The following SYTL1 variants were observed in gnomAD, a reference collection of about 807,000 sequenced individuals.
The protein encoded by SYTL1 is synaptotagmin like 1, also known as synaptotagmin-like protein 1.
Under a neutral mutation model 74.6 loss-of-function variants are expected in SYTL1, and 53 were observed. The observed-to-expected ratio is 0.71, with a 90% CI of 0.57 to 0.89. The LOEUF is 0.89. Ranked by LOEUF, SYTL1 falls within the 40% of genes least tolerant of loss-of-function variation. The pLI, the probability that SYTL1 is intolerant of heterozygous loss-of-function variation, is 0.00. For missense variants in SYTL1, 728 were observed against 768.7 expected (o/e 0.95, Z 0.63); for synonymous variants, 329 against 324.9 (o/e 1.01, Z -0.14).
In SYTL1 at chr1:27,347,634, AG is replaced by A; in HGVS notation, c.340+68del. The A allele has an allele frequency of 6.6e-7, 1 of 1,521,754 alleles. No homozygotes were observed. The highest frequency in any genetic ancestry group is 8.9e-7 in the Non-Finnish European group (1 of 1,122,992). The allele number at this position is 1,521,754 out of a possible 1,614,324, so 94.3% of individuals were successfully genotyped here. A position where few individuals can be genotyped will look rare whatever the true frequency, so the allele number is the denominator to read the frequency against. On this transcript the variant is annotated intron_variant, in intron 3 of 14. Transcript: ENST00000616558. This position sits in a 1 kb window ranked among gnomAD's most constrained non-coding sequence, Gnocchi z 4.9. Reference sequence around the variant, plus strand: ...TCCAGGGCGCTGGCTGTATGTGGACAGGGAGAGAGGACCACTAGGGCTCCAG... The same window carrying A: ...TCCAGGGCGCTGGCTGTATGTGGACAGGAGAGAGGACCACTAGGGCTCCAG...
chr1:27,351,471 CGAGCGGG>C lies in SYTL1; in HGVS notation c.1264_1270del (p.Gly422CysfsTer5). On this transcript the variant is annotated frameshift_variant, in exon 13 of 15. Transcript: ENST00000616558. LOFTEE classifies it high-confidence loss of function. The surrounding 1 kb of genome is among the most constrained non-coding windows in gnomAD (Gnocchi z 5.0). ...CTCTCCGCAGGCGCAGGACTGCCCC[CGAGCGGG>C]GAGCTGCACTTCTGGGTGAAGGAGG... 1 of 1,543,386 alleles carries C rather than the reference CGAGCGGG, an allele frequency of 6.5e-7. No homozygotes were observed. The highest frequency in any genetic ancestry group is 1.4e-5 in the African/African-American group (1 of 72,936).
chr1:27,353,043 C>T (rs1219669664), intron 13 of SYTL1: 14 of 532,218 alleles, frequency 2.6e-5, no homozygotes, highest in East Asian at 2.0e-4. Flanking sequence ...ACCTCGGCCT[C>T]CCAAAGTGCT....
chr1:27,353,918 C>T lies in SYTL1; in HGVS notation c.*66C>T. On this transcript the variant is annotated 3_prime_UTR_variant, in exon 15 of 15. Coordinates refer to ENST00000616558, the MANE Select transcript of SYTL1 (RefSeq NM_001193308.2). Reference sequence around the variant, plus strand: ...TGCCCTTGGCTAAAGTCAATAAAGTCTATTCTAAGAGCAATAAAAGGCTGG... The same window carrying T: ...TGCCCTTGGCTAAAGTCAATAAAGTTTATTCTAAGAGCAATAAAAGGCTGG... 6.8e-7 allele frequency: 1 copy of T among 1,464,240 alleles called. No homozygotes were observed. The highest frequency in any genetic ancestry group is 9.4e-7 in the Non-Finnish European group (1 of 1,058,728). The allele number at this position is 1,464,240 out of a possible 1,614,324, so 90.7% of individuals were successfully genotyped here.
rs2015345801 is a variant in SYTL1, at chr1:27,353,162, C to T, written c.1344-121C>T. The T allele has an allele frequency of 4.9e-6, 5 of 1,024,648 alleles. No individual in the cohort carries two copies. The East Asian group carries it at 7.8e-5, about 16-fold the overall frequency. 63.5% of individuals were successfully genotyped at this position (1,024,648 alleles called of 1,614,324 possible). A position where few individuals can be genotyped will look rare whatever the true frequency, so the allele number is the denominator to read the frequency against. ...GTCCCAGGGCAGTGAGGGTCTAAGG[C>T]CAGGCAGGCAGGAGCCAGGGGACAT... On this transcript the variant is annotated intron_variant, in intron 13 of 14. Transcript: ENST00000616558.
Position 27,343,029 on chromosome 1 carries a change from C to G in SYTL1, c.-39+879C>G, listed in dbSNP as rs1376775672. Among the ~76,000 whole-genome samples, 1 of 152,246 alleles carries G rather than the reference C, an allele frequency of 6.6e-6. No homozygotes were observed. Among genetic ancestry groups the G allele is most frequent in the Admixed American group, 6.5e-5 (1 of 15,282 alleles). ...GGTGTCAAGAGGGATCGCTGGGGCTCGGCCACTGACTCAGCTGGGAGGGGA... is the reference window on the plus strand; with the variant it reads ...GGTGTCAAGAGGGATCGCTGGGGCTGGGCCACTGACTCAGCTGGGAGGGGA... On this transcript the variant is annotated intron_variant, in intron 1 of 14. Transcript: ENST00000616558. The surrounding 1 kb of genome is among the most constrained non-coding windows in gnomAD (Gnocchi z 5.2).
Position 27,347,975 on chromosome 1 carries a change from TTGA to T in SYTL1, c.426_428del (p.Asp142del). The T allele has an allele frequency of 3.1e-6, 5 of 1,614,176 alleles. No individual in the cohort carries two copies. Among genetic ancestry groups the T allele is most frequent in the Non-Finnish European group, 4.2e-6 (5 of 1,180,004 alleles). ...CCTCTCCCTACTCCTAGGCTCACCA[TTGA>T]TGAGGCCCCTCAGGAGAGGCTCAGG... On this transcript the variant is annotated inframe_deletion, in exon 5 of 15. Coordinates refer to ENST00000616558, the MANE Select transcript of SYTL1 (RefSeq NM_001193308.2). The surrounding 1 kb of genome is among the most constrained non-coding windows in gnomAD (Gnocchi z 4.9).
chr1:27,350,693 C>T lies in SYTL1; in HGVS notation c.1006-101C>T. 7.0e-7 allele frequency: 1 copy of T among 1,428,260 alleles called. No homozygotes were observed. Among genetic ancestry groups the T allele is most frequent in the South Asian group, 1.3e-5 (1 of 77,608 alleles). 88.5% of individuals were successfully genotyped at this position (1,428,260 alleles called of 1,614,324 possible). A position where few individuals can be genotyped will look rare whatever the true frequency, so the allele number is the denominator to read the frequency against. The stretch of plus-strand genomic sequence containing the variant: ...ATGCCCTTAGGGGCTCCCCAGAATT[C>T]CATCATGGTAGGAACGCGGTAGGAC... On this transcript the variant is annotated intron_variant, in intron 10 of 14. Coordinates refer to ENST00000616558, the MANE Select transcript of SYTL1 (RefSeq NM_001193308.2). The surrounding 1 kb of genome is among the most constrained non-coding windows in gnomAD (Gnocchi z 6.3).
Position 27,342,113 on chromosome 1 carries a change from C to T in SYTL1, c.-76C>T, listed in dbSNP as rs2014796295. 6.6e-6 allele frequency: 1 copy of T among 152,636 alleles called. No homozygotes were observed. The highest frequency in any genetic ancestry group is 2.4e-5 in the African/African-American group (1 of 41,452). 9.5% of individuals were successfully genotyped at this position (152,636 alleles called of 1,614,324 possible). ...ACTCGGCTGCCAGGGGAGCTGGAGC[C>T]ACCTGCGAAGGTGTCCTCCCATACT... On this transcript the variant is annotated 5_prime_UTR_variant, in exon 1 of 15. Transcript: ENST00000616558. The surrounding 1 kb of genome is among the most constrained non-coding windows in gnomAD (Gnocchi z 4.7).
chr1:27,350,029 T>A lies in SYTL1; in HGVS notation c.805T>A (p.Ser269Thr). 1 of 1,546,062 alleles carries A rather than the reference T, an allele frequency of 6.5e-7. No homozygotes were observed. The highest frequency in any genetic ancestry group is 1.2e-5 in the South Asian group (1 of 84,756). The change falls in exon 9 of 15, where the codon TCC becomes ACC. Residue 269 changes from serine to threonine, a missense_variant. Coordinates refer to ENST00000616558, the MANE Select transcript of SYTL1 (RefSeq NM_001193308.2). The surrounding 1 kb of genome is among the most constrained non-coding windows in gnomAD (Gnocchi z 6.3). Reference protein sequence around the residue: ...GDAEAVQVRGSVHFALHYEPG... With the variant: ...GDAEAVQVRGTVHFALHYEPG... The stretch of plus-strand genomic sequence containing the variant: ...CGCGGAGGCGGTGCAGGTCCGCGGC[T>A]CCGTGCACTTCGCGCTGCACTACGA...
In SYTL1 at chr1:27,348,043, T is replaced by C; in HGVS notation, c.459+31T>C. Reference sequence around the variant, plus strand: ...TGAATGAGCCAACATGTGAGTACAGTGTCCCTGGAGGGGAGGTGGAATGTG... The same window carrying C: ...TGAATGAGCCAACATGTGAGTACAGCGTCCCTGGAGGGGAGGTGGAATGTG... On this transcript the variant is annotated intron_variant, in intron 5 of 14. Transcript: ENST00000616558. The surrounding 1 kb of genome is among the most constrained non-coding windows in gnomAD (Gnocchi z 4.1). 1.9e-6 allele frequency: 3 copies of C among 1,610,264 alleles called. No homozygotes were observed. Among genetic ancestry groups the C allele is most frequent in the Non-Finnish European group, 2.5e-6 (3 of 1,176,736 alleles).
chr1:27,350,216 T>G lies in SYTL1; in HGVS notation c.908+84T>G. On this transcript the variant is annotated intron_variant, in intron 9 of 14. Transcript: ENST00000616558. This position sits in a 1 kb window ranked among gnomAD's most constrained non-coding sequence, Gnocchi z 6.3. The stretch of plus-strand genomic sequence containing the variant: ...GGGTCTCGGCCTCCTCGTCCTCATC[T>G]TCAAAATGGGAACAACAGCGTTATT... The G allele has an allele frequency of 2.0e-6, 3 of 1,484,930 alleles. No individual in the cohort carries two copies. Among genetic ancestry groups the G allele is most frequent in the Non-Finnish European group, 2.7e-6 (3 of 1,098,458 alleles). 92.0% of individuals were successfully genotyped at this position (1,484,930 alleles called of 1,614,324 possible). A position where few individuals can be genotyped will look rare whatever the true frequency, so the allele number is the denominator to read the frequency against.
In SYTL1 at chr1:27,347,409, C is replaced by T. The variant is rs563902135; in HGVS notation, c.192-12C>T. On this transcript the variant is annotated splice_polypyrimidine_tract_variant and intron_variant, in intron 2 of 14. Coordinates refer to ENST00000616558, the MANE Select transcript of SYTL1 (RefSeq NM_001193308.2). This position sits in a 1 kb window ranked among gnomAD's most constrained non-coding sequence, Gnocchi z 4.9. Reference sequence around the variant, plus strand: ...GTGAGTCATGACAGCCACACCCTCCCCCTTCCTCCAGCAAGCTCCGGGCCT... The same window carrying T: ...GTGAGTCATGACAGCCACACCCTCCTCCTTCCTCCAGCAAGCTCCGGGCCT... The T allele has an allele frequency of 4.5e-5, 72 of 1,613,996 alleles. 1 individual carries two copies. In the South Asian group the frequency reaches 7.7e-4, roughly 17 times the overall value.
Position 27,351,090 on chromosome 1 carries a change from A to G in SYTL1, c.1164+138A>G, listed in dbSNP as rs2015250777. The G allele has an allele frequency of 6.0e-6, 8 of 1,343,576 alleles. No homozygotes were observed. Among genetic ancestry groups the G allele is most frequent in the Non-Finnish European group, 8.1e-6 (8 of 991,702 alleles). The allele number at this position is 1,343,576 out of a possible 1,614,324, so 83.2% of individuals were successfully genotyped here. On this transcript the variant is annotated intron_variant, in intron 11 of 14. Coordinates refer to ENST00000616558, the MANE Select transcript of SYTL1 (RefSeq NM_001193308.2). This position sits in a 1 kb window ranked among gnomAD's most constrained non-coding sequence, Gnocchi z 5.0. ...CCTCTTAACCTCATGGCCCCAGGCG[A>G]AGCCCGGCCGGCCACGGCCCCTTCC...
rs529115241 is a variant in SYTL1, at chr1:27,343,905, T to C, written c.-38-1392T>C. On this transcript the variant is annotated intron_variant, in intron 1 of 14. Transcript: ENST00000616558. The surrounding 1 kb of genome is among the most constrained non-coding windows in gnomAD (Gnocchi z 5.2). ...ACCCATCCGGGTGGGCCTATCCCCA[T>C]TGGTGTGCATATGCTGTGTGCAGGT... Among the ~76,000 whole-genome samples, 34 of 152,236 alleles carry C rather than the reference T, an allele frequency of 2.2e-4. No individual in the cohort carries two copies. The highest frequency in any genetic ancestry group is 2.2e-3 in the Admixed American group (33 of 15,290).
chr1:27,347,453 A>T lies in SYTL1; in HGVS notation c.224A>T (p.Gln75Leu), dbSNP rs1462835713. The T allele has an allele frequency of 1.2e-6, 2 of 1,613,990 alleles. No individual in the cohort carries two copies. Among genetic ancestry groups the T allele is most frequent in the Non-Finnish European group, 1.7e-6 (2 of 1,180,038 alleles). Residue 75 changes from glutamine (Q) to leucine (L), a missense_variant, in exon 3 of 15, where the codon CAG becomes CTG. Transcript: ENST00000616558. This position sits in a 1 kb window ranked among gnomAD's most constrained non-coding sequence, Gnocchi z 4.9. Reference sequence around the variant, plus strand: ...CGGGCCTCAGTGGCAGACCCTGGGCAGCTGAAGATCCTGACAGGGGACTGG... The same window carrying T: ...CGGGCCTCAGTGGCAGACCCTGGGCTGCTGAAGATCCTGACAGGGGACTGG... The part of the protein sequence containing the change: ...KLRASVADPG[Q>L]LKILTGDWFQ...
chr1:27,347,635 G>T lies in SYTL1; in HGVS notation c.340+66G>T. On this transcript the variant is annotated intron_variant, in intron 3 of 14. Transcript: ENST00000616558. This position sits in a 1 kb window ranked among gnomAD's most constrained non-coding sequence, Gnocchi z 4.9. ...CCAGGGCGCTGGCTGTATGTGGACA[G>T]GGAGAGAGGACCACTAGGGCTCCAG... The T allele has an allele frequency of 6.3e-7, 1 of 1,584,442 alleles. No individual in the cohort carries two copies. Among genetic ancestry groups the T allele is most frequent in the South Asian group, 1.2e-5 (1 of 86,356 alleles).
chr1:27,347,311 C>G lies in SYTL1; in HGVS notation c.192-110C>G, dbSNP rs1165119545. The G allele has an allele frequency of 7.0e-7, 1 of 1,438,184 alleles. No individual in the cohort carries two copies. Among genetic ancestry groups the G allele is most frequent in the African/African-American group, 1.4e-5 (1 of 71,634 alleles). 89.1% of individuals were successfully genotyped at this position (1,438,184 alleles called of 1,614,324 possible). A position where few individuals can be genotyped will look rare whatever the true frequency, so the allele number is the denominator to read the frequency against. Reference sequence around the variant, plus strand: ...AGCTCCTCCACAGCACAGATCAAGTCTGATTTGCTGTTGGGTCCCTGGCCC... The same window carrying G: ...AGCTCCTCCACAGCACAGATCAAGTGTGATTTGCTGTTGGGTCCCTGGCCC... On this transcript the variant is annotated intron_variant, in intron 2 of 14. Transcript: ENST00000616558. This position sits in a 1 kb window ranked among gnomAD's most constrained non-coding sequence, Gnocchi z 4.9.
Position 27,342,221 on chromosome 1 carries a change from G to A in SYTL1, c.-39+71G>A. The A allele has an allele frequency of 2.0e-6, 1 of 498,324 alleles. No individual in the cohort carries two copies. Among genetic ancestry groups the A allele is most frequent in the Non-Finnish European group, 2.6e-6 (1 of 385,046 alleles). The allele number at this position is 498,324 out of a possible 1,614,324, so 30.9% of individuals were successfully genotyped here. On this transcript the variant is annotated intron_variant, in intron 1 of 14. Coordinates refer to ENST00000616558, the MANE Select transcript of SYTL1 (RefSeq NM_001193308.2). The surrounding 1 kb of genome is among the most constrained non-coding windows in gnomAD (Gnocchi z 4.7). The stretch of plus-strand genomic sequence containing the variant: ...CAGGCACTGCCACCTGGTATCCTGA[G>A]CACCCTCCAGCACCTTGGGGTTGGG...
chr1:27,353,600 A>G, intron 14 of SYTL1, 112 bp downstream of exon 14: 1 of 1,544,780 alleles, frequency 6.5e-7, no homozygotes, highest in East Asian at 2.3e-5. Context: ...ATATCTACTG[A>G]GAACTGAGGG....
Sources: allele counts gnomAD v4.1 joint callset (sites outside exome capture counted in the v4.1 genomes callset), GRCh38; gene constraint gnomAD v4.1.1; non-coding constraint Gnocchi (gnomAD v3.1); transcripts MANE v1.5; gene names NCBI Gene and HGNC (gene_info 2026-07-23, HGNC 2026-07-21).